DNAJC5: variants seen among roughly 807,000 people sequenced by gnomAD.
The protein encoded by DNAJC5 is DnaJ heat shock protein family (Hsp40) member C5, also known as dnaJ homolog subfamily C member 5.
DNAJC5 carries 1 observed loss-of-function variant against 23.2 expected under a neutral mutation model. The observed-to-expected ratio is 0.04, with a 90% confidence interval of 0.02 to 0.20. The LOEUF is 0.20. Among genes scored for constraint, DNAJC5 ranks in the 10% least tolerant of loss-of-function variants. The pLI is 1.00. For synonymous variants in DNAJC5, 136 were observed against 120.0 expected, an observed-to-expected ratio of 1.13 and a Z score of -0.87; for missense variants, 180 against 267.0, an observed-to-expected ratio of 0.67 and a Z score of 2.27.
chr20:63,896,946 A>C (rs2053379508), intron 1 of DNAJC5, among the ~76,000 whole-genome samples: 1 of 152,078 alleles, frequency 6.6e-6, no homozygotes. Context: ...GGGTTCCTGG[A>C]GTGTTGGCCC....
intron 1 of DNAJC5, among the ~76,000 whole-genome samples, chr20:63,902,008 A>G (rs942824981): frequency 5.3e-5 from 8 of 152,104 alleles, no homozygotes; most frequent in Non-Finnish European, 1.2e-4. Context: ...GCCAGTCGCA[A>G]TAAATTTTGT....
At chr20:63,915,622 G>C (rs1035075418) in intron 1 of DNAJC5, among the ~76,000 whole-genome samples, 2 of 152,186 alleles carry the variant, frequency 1.3e-5, no homozygotes, top group East Asian at 3.9e-4. Context: ...GCAAGCACTG[G>C]GGAGCCTGGC....
At chr20:63,922,366 G>A (rs2146296079) in intron 1 of DNAJC5, among the ~76,000 whole-genome samples, 1 of 152,138 alleles carries the variant, frequency 6.6e-6, no homozygotes, top group South Asian at 2.1e-4. Flanking sequence ...GGCAGGCTGA[G>A]GCAGGAGAAT....
chr20:63,906,609 C>T (rs2053450084), intron 1 of DNAJC5, among the ~76,000 whole-genome samples: 1 of 151,864 alleles, frequency 6.6e-6, no homozygotes. Context: ...ACGATGAAAC[C>T]CCGTCTCTAC....
rs2053639529 is a variant in DNAJC5, at chr20:63,929,083, G to A, written c.108-229G>A. 6.6e-6 allele frequency among the ~76,000 whole-genome samples: 1 copy of A among 152,220 alleles called. No individual in the cohort carries two copies. Among genetic ancestry groups the A allele is most frequent in the Non-Finnish European group, 1.5e-5 (1 of 68,022 alleles). Reference sequence around the variant, plus strand: ...ATGTGCCGTGGCACTCACAGCCCTTGGGGCTCCCTCCTCTGAGGCTGGGTC... The same window carrying A: ...ATGTGCCGTGGCACTCACAGCCCTTAGGGCTCCCTCCTCTGAGGCTGGGTC... On this transcript the variant is annotated intron_variant, in intron 2 of 4. Coordinates refer to ENST00000360864, the MANE Select transcript of DNAJC5 (RefSeq NM_025219.3). This position sits in a 1 kb window ranked among gnomAD's most constrained non-coding sequence, Gnocchi z 8.6.
chr20:63,925,666 C>T (rs1248794624), intron 1 of DNAJC5, among the ~76,000 whole-genome samples: 1 of 149,124 alleles, frequency 6.7e-6, no homozygotes, highest in East Asian at 2.0e-4. Flanking sequence ...GGAACCCGCC[C>T]CATCTGCCTG....
Position 63,932,120 on chromosome 20 carries a change from C to T in DNAJC5, c.*552C>T, listed in dbSNP as rs956471712. 6 of 184,712 alleles carry T rather than the reference C, an allele frequency of 3.2e-5. No individual in the cohort carries two copies. The highest frequency in any genetic ancestry group is 5.4e-5 in the Admixed American group (1 of 18,648). 11.4% of individuals were successfully genotyped at this position (184,712 alleles called of 1,614,324 possible). A position where few individuals can be genotyped will look rare whatever the true frequency, so the allele number is the denominator to read the frequency against. On this transcript the variant is annotated 3_prime_UTR_variant, in exon 5 of 5. Coordinates refer to ENST00000360864, the MANE Select transcript of DNAJC5 (RefSeq NM_025219.3). The surrounding 1 kb of genome is among the most constrained non-coding windows in gnomAD (Gnocchi z 4.4). The stretch of plus-strand genomic sequence containing the variant: ...GAGAGGCGGGGCCGCGTCCTCCTGG[C>T]GTCACCGGCGTCACTGTCATTCCTT...
At chr20:63,899,088 G>C (rs1289652804) in intron 1 of DNAJC5, among the ~76,000 whole-genome samples, 1 of 152,172 alleles carries the variant, frequency 6.6e-6, no homozygotes, top group East Asian at 1.9e-4. Context: ...GAGCCTCTGC[G>C]TTCTGTCAGA....
rs991347180 is a variant in DNAJC5 at position 63,930,157 on chromosome 20, C to G, written c.321+632C>G. ...TTTGGCTTTGACTGGTCGGCCTCCT[C>G]ACTAGAATCCTTATAAAGTACTTTT... On this transcript the variant is annotated intron_variant, in intron 3 of 4. Transcript: ENST00000360864. 2.0e-5 allele frequency among the ~76,000 whole-genome samples: 3 copies of G among 152,232 alleles called. No individual in the cohort carries two copies. The East Asian group carries it at 5.8e-4, about 29-fold the overall frequency.
chr20:63,904,210 T>C (rs1303815996), intron 1 of DNAJC5, among the ~76,000 whole-genome samples: 1 of 152,154 alleles, frequency 6.6e-6, no homozygotes, highest in Non-Finnish European at 1.5e-5. Context: ...GATTCTCGAG[T>C]ATAAAGGTAT....
In DNAJC5 at chr20:63,931,015, C is replaced by G; in HGVS notation, c.486C>G (p.Asp162Glu). ...PEDLEAQLQS[D>E]EREATDTPIV... Reference sequence around the variant, plus strand: ...ATCTGGAGGCACAGCTGCAGTCTGACGAGAGGGGTGAGTGCCCGCCCCAGG... The same window carrying G: ...ATCTGGAGGCACAGCTGCAGTCTGAGGAGAGGGGTGAGTGCCCGCCCCAGG... The change falls in exon 4 of 5, where the codon GAC becomes GAG. Residue 162 changes from aspartate (D) to glutamate (E), a missense_variant. By Grantham distance (45) the Asp-to-Glu change is conservative (BLOSUM62 2). Around this residue, in one of 3 missense-constraint regions of DNAJC5, gnomAD observed 97 missense variants for 123.4 expected, o/e 0.79. Transcript: ENST00000360864. The surrounding 1 kb of genome is among the most constrained non-coding windows in gnomAD (Gnocchi z 9.6). 1 of 1,613,894 alleles carries G rather than the reference C, an allele frequency of 6.2e-7. No individual in the cohort carries two copies.
chr20:63,906,431 A>G (rs1181256958), intron 1 of DNAJC5, among the ~76,000 whole-genome samples: 1 of 152,164 alleles, frequency 6.6e-6, no homozygotes, highest in African/African-American at 2.4e-5. Flanking sequence ...CGGAGGTTGC[A>G]GTGAGCCGAC....
intron 1 of DNAJC5, among the ~76,000 whole-genome samples, chr20:63,895,896 A>G (rs2053372262): frequency 6.6e-6 from 1 of 152,254 alleles, no homozygotes; most frequent in African/African-American, 2.4e-5. Context: ...GCCATGCTTT[A>G]TATTGAACTC....
At chr20:63,895,517 A>G (rs1347790398) in intron 1 of DNAJC5, among the ~76,000 whole-genome samples, 194 bp downstream of exon 1, 5 of 147,036 alleles carry the variant, frequency 3.4e-5, no homozygotes, top group Non-Finnish European at 7.5e-5. Flanking sequence ...GGGGCGCGGG[A>G]AGGTCGGCGC....
In DNAJC5 at chr20:63,895,442, C is replaced by G. The variant is rs867376496; in HGVS notation, c.-12+119C>G. On this transcript the variant is annotated intron_variant, in intron 1 of 4. Coordinates refer to ENST00000360864, the MANE Select transcript of DNAJC5 (RefSeq NM_025219.3). ...CAGAGCCGGAAATGGCGGCGACCCC[C>G]GGGCCGGGGCTGCGCGGGCGCTCGG... 1.2e-3 allele frequency: 170 copies of G among 147,118 alleles called. No individual in the cohort carries two copies. In the Middle Eastern group the frequency reaches 0.024, roughly 21 times the overall value. The allele number at this position is 147,118 out of a possible 1,614,324, so 9.1% of individuals were successfully genotyped here.
chr20:63,910,499 C>T (rs565648711), intron 1 of DNAJC5, among the ~76,000 whole-genome samples: 175 of 150,804 alleles, frequency 1.2e-3, no homozygotes, highest in African/African-American at 4.0e-3. Context: ...GTGGAGATCG[C>T]GCCACTGCAC....
chr20:63,931,903 C>T lies in DNAJC5; in HGVS notation c.*335C>T. On this transcript the variant is annotated 3_prime_UTR_variant, in exon 5 of 5. Coordinates refer to ENST00000360864, the MANE Select transcript of DNAJC5 (RefSeq NM_025219.3). The surrounding 1 kb of genome is among the most constrained non-coding windows in gnomAD (Gnocchi z 9.6). ...CTCAGGGCTGTCGGTCAGGTTGGTC[C>T]AGTGAGGGGTGACTGCAGCCGGTCA... The T allele has an allele frequency of 2.6e-6, 1 of 389,978 alleles. No homozygotes were observed. The highest frequency in any genetic ancestry group is 3.7e-5 in the Admixed American group (1 of 27,052). The allele number at this position is 389,978 out of a possible 1,614,324, so 24.2% of individuals were successfully genotyped here.
rs1312915800 is a variant in DNAJC5, at chr20:63,931,426, T to C, written c.494-39T>C. ...GACCAGCGTTGGGTGCGCGCCAGGC[T>C]GTGGCCCTCGTGCAGTGCCCTGTGT... On this transcript the variant is annotated intron_variant, in intron 4 of 4. Coordinates refer to ENST00000360864, the MANE Select transcript of DNAJC5 (RefSeq NM_025219.3). The surrounding 1 kb of genome is among the most constrained non-coding windows in gnomAD (Gnocchi z 9.6). The C allele has an allele frequency of 3.9e-6, 6 of 1,523,492 alleles. No individual in the cohort carries two copies. Among genetic ancestry groups the C allele is most frequent in the Admixed American group, 2.0e-5 (1 of 51,004 alleles). 94.4% of individuals were successfully genotyped at this position (1,523,492 alleles called of 1,614,324 possible).
In DNAJC5 at chr20:63,932,153, G is replaced by A. The variant is rs1342064872; in HGVS notation, c.*585G>A. Reference sequence around the variant, plus strand: ...GCGTCACTGTCATTCCTTGGTGTCTGTGCTGGGCATGGTTGGCTTGGGGGT... The same window carrying A: ...GCGTCACTGTCATTCCTTGGTGTCTATGCTGGGCATGGTTGGCTTGGGGGT... On this transcript the variant is annotated 3_prime_UTR_variant, in exon 5 of 5. Coordinates refer to ENST00000360864, the MANE Select transcript of DNAJC5 (RefSeq NM_025219.3). The surrounding 1 kb of genome is among the most constrained non-coding windows in gnomAD (Gnocchi z 4.4). 2 of 175,664 alleles carry A rather than the reference G, an allele frequency of 1.1e-5. No individual in the cohort carries two copies. Among genetic ancestry groups the A allele is most frequent in the Non-Finnish European group, 2.5e-5 (2 of 80,460 alleles). The allele number at this position is 175,664 out of a possible 1,614,324, so 10.9% of individuals were successfully genotyped here.
Sources: allele counts gnomAD v4.1 joint callset (sites outside exome capture counted in the v4.1 genomes callset), GRCh38; gene constraint gnomAD v4.1.1; regional missense constraint gnomAD v4.1.1; non-coding constraint Gnocchi (gnomAD v3.1); transcripts MANE v1.5; gene names NCBI Gene and HGNC (gene_info 2026-07-23, HGNC 2026-07-21).